Variants in CD300C observed in about 807,000 individuals in gnomAD.
CD300C encodes CMRF35-like molecule 6.
A neutral mutation model predicts 18.4 loss-of-function variants in CD300C; 11 were observed. The ratio of observed to expected loss-of-function variants is 0.60; its 90% CI spans 0.38 to 0.99. The LOEUF is 0.99. CD300C is among the 50% of genes least tolerant of loss of function. The probability of loss-of-function intolerance (pLI) is 0.01; values close to 1 mark genes in which losing one functional copy is unlikely to be tolerated. For missense variants in CD300C, 277 were observed against 287.4 expected (o/e 0.96, Z 0.26); for synonymous variants, 116 against 116.3 (o/e 1.00, Z 0.02).
chr17:74,544,089 G>A (rs992023875), intron 2 of CD300C, among the ~76,000 whole-genome samples: 8 of 152,186 alleles, frequency 5.3e-5, no homozygotes, highest in Non-Finnish European at 1.2e-4. Context: ...GGACCCTCCA[G>A]ACAGGGCGGC....
At chr17:74,536,308 T>A (rs6416843), downstream of CD300C, among the ~76,000 whole-genome samples, 1 of 151,730 alleles carries the variant, frequency 6.6e-6, no homozygotes, top group African/African-American at 2.4e-5. Context: ...TTCTACCAAT[T>A]GGATCATGAG....
At position 74,544,854 on chromosome 17, in the gene CD300C, A is replaced by G; in HGVS notation, c.155T>C (p.Leu52Pro). ...QCRYEKEHRTLNKFWCRPPQI... is the reference protein window; with the variant it reads ...QCRYEKEHRTPNKFWCRPPQI... ...TGGTGGTCTGCACCAGAATTTGTTG[A>G]GGGTCCTGTGTTCCTTCTCATAGCG... The change falls in exon 2 of 4, where the codon CTC (leucine) becomes CCC (proline). Residue 52 changes from leucine (L) to proline (P), a missense_variant. Transcript: ENST00000330793. 1 of 1,614,154 alleles carries G rather than the reference A, an allele frequency of 6.2e-7. No individual in the cohort carries two copies. Among genetic ancestry groups the G allele is most frequent in the Non-Finnish European group, 8.5e-7 (1 of 1,180,024 alleles).
At chr17:74,536,744 AG>A (rs1908389445), downstream of CD300C, among the ~76,000 whole-genome samples, 1 of 152,244 alleles carries the variant, frequency 6.6e-6, no homozygotes, top group African/African-American at 2.4e-5. Flanking sequence ...AGATTCAAGC[AG>A]GAGCACTGCT....
At chr17:74,544,176 A>T (rs1400579104) in intron 2 of CD300C, among the ~76,000 whole-genome samples, 1 of 152,112 alleles carries the variant, frequency 6.6e-6, no homozygotes, top group East Asian at 1.9e-4. Flanking sequence ...CCCCGTGGGG[A>T]AGAGCGAGTT....
At chr17:74,540,302 A>C (rs1908503768), downstream of CD300C, among the ~76,000 whole-genome samples, 1 of 152,182 alleles carries the variant, frequency 6.6e-6, no homozygotes, top group South Asian at 2.1e-4. Flanking sequence ...CCACTCCTGC[A>C]AAGCAGTCAC....
At chr17:74,539,444 C>T (rs1344449547), downstream of CD300C, among the ~76,000 whole-genome samples, 1 of 152,168 alleles carries the variant, frequency 6.6e-6, no homozygotes, top group Non-Finnish European at 1.5e-5. Context: ...GGGGACCTGA[C>T]CTGGTCTCCC....
At chr17:74,545,381 A>C (rs1908724661) in intron 1 of CD300C, among the ~76,000 whole-genome samples, 2 of 147,154 alleles carry the variant, frequency 1.4e-5, no homozygotes, top group African/African-American at 5.0e-5. Flanking sequence ...CATGTGTGTG[A>C]GACTGTGTGA....
chr17:74,545,839 TAA>T lies in CD300C; in HGVS notation c.-59_-58del. On this transcript the variant is annotated 5_prime_UTR_variant, in exon 1 of 4. Coordinates refer to ENST00000330793, the MANE Select transcript of CD300C (RefSeq NM_006678.5). ...CAAGACCCCAGGAGGGGACAAAATG[TAA>T]TCTCCTCCCAGCAGATCTGAGCTTC... 1 of 1,403,626 alleles carries T rather than the reference TAA, an allele frequency of 7.1e-7. No homozygotes were observed. Among genetic ancestry groups the T allele is most frequent in the Non-Finnish European group, 1.0e-6 (1 of 1,003,338 alleles). The allele number at this position is 1,403,626 out of a possible 1,614,324, so 86.9% of individuals were successfully genotyped here.
rs750944582 is a variant in CD300C, at chr17:74,544,811, G to A, written c.198C>T (p.Asp66=). ...WCRPPQILRC[D]KIVETKGSAG... ...CTGACCCTTTGGTCTCCACAATCTT[G>A]TCACATCGGAGAATCTGTGGTGGTC... The change falls in exon 2 of 4, where the codon GAC becomes GAT. Residue 66 remains aspartate, a synonymous_variant. Transcript: ENST00000330793. 13 of 1,614,116 alleles carry A rather than the reference G, an allele frequency of 8.1e-6. No individual in the cohort carries two copies. The highest frequency in any genetic ancestry group is 2.5e-6 in the Non-Finnish European group (3 of 1,180,056).
At chr17:74,543,841 C>G (rs1056689365) in intron 2 of CD300C, among the ~76,000 whole-genome samples, 3 of 152,186 alleles carry the variant, frequency 2.0e-5, no homozygotes, top group Non-Finnish European at 2.9e-5. Context: ...CCCTCAGGTC[C>G]GTGCCAGTCT....
chr17:74,546,052 G>C lies in CD300C; in HGVS notation c.-270C>G. ...GTCTGGCAAAGTCCAGGGTCCCTTG[G>C]GTGGCGATGCAGCCACTTCCCCACA... On this transcript the variant is annotated 5_prime_UTR_variant, in exon 1 of 4. Coordinates refer to ENST00000330793, the MANE Select transcript of CD300C (RefSeq NM_006678.5). 2.3e-6 allele frequency: 1 copy of C among 434,292 alleles called. No individual in the cohort carries two copies. Among genetic ancestry groups the C allele is most frequent in the African/African-American group, 2.0e-5 (1 of 50,314 alleles). 26.9% of individuals were successfully genotyped at this position (434,292 alleles called of 1,614,324 possible). A position where few individuals can be genotyped will look rare whatever the true frequency, so the allele number is the denominator to read the frequency against.
chr17:74,536,452 G>C (rs921472922), downstream of CD300C, among the ~76,000 whole-genome samples: 1 of 146,458 alleles, frequency 6.8e-6, no homozygotes, highest in African/African-American at 2.5e-5. Context: ...AGAATGGCAT[G>C]AACCCAGGAG....
At chr17:74,543,835 C>T (rs939236141) in intron 2 of CD300C, among the ~76,000 whole-genome samples, 7 of 152,318 alleles carry the variant, frequency 4.6e-5, no homozygotes, top group African/African-American at 1.7e-4. Context: ...AAAGGGCCCT[C>T]AGGTCCGTGC....
At chr17:74,542,740 C>T (rs1365601310) in intron 3 of CD300C, 121 bp downstream of exon 3, 14 of 1,195,010 alleles carry the variant, frequency 1.2e-5, no homozygotes, top group South Asian at 4.5e-5. Context: ...AGAACCTTCA[C>T]GTTTGGTGTG....
chr17:74,544,657 G>A lies in CD300C; in HGVS notation c.352C>T (p.Arg118Ter), dbSNP rs144695162. The A allele has an allele frequency of 2.7e-3, 4,348 of 1,613,992 alleles. 59 individuals are homozygous for A. The South Asian group carries it at 0.027, about 10-fold the overall frequency. The stretch of plus-strand genomic sequence containing the variant: ...TCGACAATGGGATCATGAAAGTCTC[G>A]GAGCCACGGTGTATCCACCCCACAC... ...YWCGVDTPWL[R>*]DFHDPIVEVE... Residue 118 changes from arginine (R) to a stop codon, truncating the protein, a stop_gained, in exon 2 of 4, where the codon CGA becomes TGA. Transcript: ENST00000330793. LOFTEE classifies it high-confidence loss of function.
downstream of CD300C, among the ~76,000 whole-genome samples, chr17:74,538,613 G>T (rs2143128087): frequency 6.6e-6 from 1 of 152,372 alleles, no homozygotes; most frequent in South Asian, 2.1e-4. Flanking sequence ...GGCGATAGCA[G>T]CAATGTGAGG....
chr17:74,540,489 C>T (rs1390646519), downstream of CD300C, among the ~76,000 whole-genome samples: 1 of 152,056 alleles, frequency 6.6e-6, no homozygotes, highest in East Asian at 1.9e-4. Flanking sequence ...AATGCCAGGT[C>T]AGTGTCTGAT....
At position 74,541,727 on chromosome 17, in the gene CD300C, G is replaced by A. The variant is rs1388820297; in HGVS notation, c.537C>T (p.Phe179=). The A allele has an allele frequency of 1.9e-6, 3 of 1,613,206 alleles. No homozygotes were observed. The highest frequency in any genetic ancestry group is 4.5e-5 in the East Asian group (2 of 44,814). Residue 179 remains phenylalanine, a synonymous_variant, in exon 4 of 4, where the codon TTC becomes TTT. Coordinates refer to ENST00000330793, the MANE Select transcript of CD300C (RefSeq NM_006678.5). ...PEPSPHPGSL[F]SNVRFLLLVL... is the part of the protein sequence containing the mutation. ...CCAGGAGCAGGAAGCGGACATTGCT[G>A]AACAGGGAGCTGTGGGGACACGGTG... is the stretch of plus-strand genomic sequence containing the variant.
chr17:74,537,005 A>G (rs11657358), downstream of CD300C, among the ~76,000 whole-genome samples: 63,101 of 151,098 alleles, frequency 0.42, 15,381 homozygotes, highest in Middle Eastern at 0.64. Context: ...ACCAAGAGGT[A>G]GGAAGAGCAG....
Sources: allele counts gnomAD v4.1 joint callset (sites outside exome capture counted in the v4.1 genomes callset), GRCh38; gene constraint gnomAD v4.1.1; transcripts MANE v1.5; gene names NCBI Gene and HGNC (gene_info 2026-07-23, HGNC 2026-07-21).